MBTPS1: variants seen among roughly 807,000 people sequenced by gnomAD.
MBTPS1 encodes the protein membrane bound transcription factor peptidase, site 1, also known as membrane-bound transcription factor site-1 protease.
MBTPS1 carries 94 observed loss-of-function variants against 127.8 expected under a neutral mutation model. The ratio of observed to expected loss-of-function variants is 0.74; its 90% CI spans 0.62 to 0.87. MBTPS1 has a LOEUF of 0.87. Among genes scored for constraint, MBTPS1 ranks in the 40% least tolerant of loss-of-function variants. MBTPS1 has a pLI of 0.00. For synonymous variants in MBTPS1, 632 were observed against 509.4 expected (o/e 1.24, Z -3.24); for missense variants, 1,636 against 1,353.2 (o/e 1.21, Z -3.28).
chr16:84,110,743 C>T (rs985939716), intron 1 of MBTPS1: 2 of 152,214 alleles, frequency 1.3e-5, no homozygotes, highest in Non-Finnish European at 2.9e-5. Flanking sequence ...AGTAGAACAG[C>T]TGGGCTGAGA....
At chr16:84,092,402 T>C (rs940731794) in intron 6 of MBTPS1, among the ~76,000 whole-genome samples, 1 of 152,154 alleles carries the variant, frequency 6.6e-6, no homozygotes, top group African/African-American at 2.4e-5. Context: ...TAAAATTAAG[T>C]TTATGGTAGG....
intron 13 of MBTPS1, 25 bp from the exon 14 acceptor site, chr16:84,070,063 A>G: frequency 6.5e-7 from 1 of 1,549,422 alleles, no homozygotes; most frequent in Non-Finnish European, 8.7e-7. Flanking sequence ...AAGAAACTTG[A>G]AACGCCCTCA....
chr16:84,066,914 T>C (rs1390386420), intron 16 of MBTPS1, among the ~76,000 whole-genome samples: 1 of 152,116 alleles, frequency 6.6e-6, no homozygotes, highest in Non-Finnish European at 1.5e-5. Context: ...GAGAAGGAGA[T>C]GAGAAAGAAG....
At chr16:84,095,126 ATTAC>A (rs1194727010) in intron 4 of MBTPS1, among the ~76,000 whole-genome samples, 1 of 152,228 alleles carries the variant, frequency 6.6e-6, no homozygotes, top group Non-Finnish European at 1.5e-5. Context: ...GTGATAGTCA[ATTAC>A]TTAGTCACTC....
chr16:84,100,527 A>G (rs1408384438), intron 2 of MBTPS1, among the ~76,000 whole-genome samples: 1 of 152,052 alleles, frequency 6.6e-6, no homozygotes, highest in Non-Finnish European at 1.5e-5. Context: ...CTGGGCAACA[A>G]GAGTGAATCT....
chr16:84,056,245 G>A (rs2085520293), intron 21 of MBTPS1, 110 bp from the exon 22 acceptor site: 2 of 888,358 alleles, frequency 2.3e-6, no homozygotes, highest in Non-Finnish European at 1.7e-6. Context: ...TCTACGGGGA[G>A]ATGTGAAATG....
intron 9 of MBTPS1, chr16:84,086,249 A>C (rs1196771662): frequency 6.6e-6 from 1 of 152,234 alleles, no homozygotes; most frequent in Non-Finnish European, 1.5e-5. Context: ...ACATCTCATC[A>C]CGGTTTGGTG....
At chr16:84,114,706 T>C (rs2151177314) in intron 1 of MBTPS1, among the ~76,000 whole-genome samples, 1 of 151,710 alleles carries the variant, frequency 6.6e-6, no homozygotes, top group South Asian at 2.1e-4. Flanking sequence ...GGCGGGCACC[T>C]GCAGTCCCGG....
intron 5 of MBTPS1, 37 bp from the exon 6 acceptor site, chr16:84,093,334 C>T: frequency 1.5e-6 from 2 of 1,355,716 alleles, no homozygotes; most frequent in Non-Finnish European, 2.1e-6. Context: ...ATAAAACACA[C>T]TGAATAGCAA....
In MBTPS1 at chr16:84,091,594, C is replaced by G. The variant is rs1445975353; in HGVS notation, c.963+138G>C. 7.9e-6 allele frequency: 5 copies of G among 631,238 alleles called. No homozygotes were observed. The East Asian group carries it at 1.4e-4, about 18-fold the overall frequency. The allele number at this position is 631,238 out of a possible 1,614,324, so 39.1% of individuals were successfully genotyped here. A position where few individuals can be genotyped will look rare whatever the true frequency, so the allele number is the denominator to read the frequency against. ...TTATGACATGCAAATCACTGAAGCT[C>G]ACGTCATTAGCCATCTGTTCTCACA... On this transcript the variant is annotated intron_variant, in intron 7 of 22. Transcript: ENST00000343411.
intron 1 of MBTPS1, among the ~76,000 whole-genome samples, chr16:84,111,959 G>A (rs1224169549): frequency 3.3e-5 from 5 of 150,946 alleles, no homozygotes; most frequent in Non-Finnish European, 7.4e-5. Flanking sequence ...CCAGCACTTT[G>A]GGAAGCCAAG....
At chr16:84,068,135 A>T (rs184631913) in intron 15 of MBTPS1, among the ~76,000 whole-genome samples, 2 of 152,262 alleles carry the variant, frequency 1.3e-5, no homozygotes, top group African/African-American at 4.8e-5. Context: ...CCCTGTCTCC[A>T]ATCAGCCTGT....
chr16:84,061,517 A>T (rs1313469534), intron 19 of MBTPS1: 1 of 152,180 alleles, frequency 6.6e-6, no homozygotes, highest in Non-Finnish European at 1.5e-5. Context: ...GGGAGAGGAG[A>T]ACGGAGGGCC....
chr16:84,058,890 G>A (rs1004687711), intron 21 of MBTPS1, among the ~76,000 whole-genome samples: 1 of 152,112 alleles, frequency 6.6e-6, no homozygotes, highest in Non-Finnish European at 1.5e-5. Context: ...GCTCTTCTTG[G>A]ACAGGCTGCA....
intron 21 of MBTPS1, among the ~76,000 whole-genome samples, chr16:84,058,318 C>T (rs753837109): frequency 4.6e-5 from 7 of 152,356 alleles, no homozygotes; most frequent in Non-Finnish European, 1.0e-4. Flanking sequence ...CTTCGCCTTA[C>T]AGGACGGAAG....
chr16:84,086,851 A>T (rs185437177), intron 9 of MBTPS1, among the ~76,000 whole-genome samples: 1 of 152,322 alleles, frequency 6.6e-6, no homozygotes, highest in Admixed American at 6.5e-5. Context: ...ATTAAACCCC[A>T]AACAGCTGAA....
intron 8 of MBTPS1, among the ~76,000 whole-genome samples, chr16:84,088,533 C>T (rs569857322): frequency 1.3e-5 from 2 of 152,292 alleles, no homozygotes; most frequent in South Asian, 4.1e-4. Flanking sequence ...CACCTTCCCA[C>T]CCTCCTCTAC....
chr16:84,092,707 G>A (rs1266756999), intron 6 of MBTPS1, among the ~76,000 whole-genome samples: 1 of 152,162 alleles, frequency 6.6e-6, no homozygotes, highest in Non-Finnish European at 1.5e-5. Flanking sequence ...CTTTTCTATA[G>A]TTTCCAAATG....
At chr16:84,084,890 C>G in intron 10 of MBTPS1, 93 bp downstream of exon 10, 1 of 1,402,012 alleles carries the variant, frequency 7.1e-7, no homozygotes, top group Non-Finnish European at 9.8e-7. Context: ...AAACCCAAGA[C>G]AGGGCAGAAG....
Sources: allele counts gnomAD v4.1 joint callset (sites outside exome capture counted in the v4.1 genomes callset), GRCh38; gene constraint gnomAD v4.1.1; transcripts MANE v1.5; gene names NCBI Gene and HGNC (gene_info 2026-07-23, HGNC 2026-07-21).